MIPOL1: variants seen among roughly 807,000 people sequenced by gnomAD.
MIPOL1 encodes the protein mirror-image polydactyly 1, also known as mirror-image polydactyly gene 1 protein.
In MIPOL1, 57 loss-of-function variants were observed where a neutral mutation model predicts 60.9. The observed-to-expected ratio is 0.94, with a 90% CI of 0.76 to 1.17. MIPOL1 has a LOEUF of 1.17. MIPOL1 is among the 50% of genes most tolerant of loss of function. The pLI, the probability that MIPOL1 is intolerant of heterozygous loss-of-function variation, is 0.00. For missense variants in MIPOL1, 551 were observed against 511.6 expected (o/e 1.08, Z -0.74); for synonymous variants, 179 against 168.8 (o/e 1.06, Z -0.47).
At chr14:37,281,857 C>T (rs1465468134) in intron 6 of MIPOL1, among the ~76,000 whole-genome samples, 3 of 152,122 alleles carry the variant, frequency 2.0e-5, no homozygotes, top group African/African-American at 4.8e-5. Flanking sequence ...TGAAGAATTA[C>T]AGTAGAATTT....
chr14:37,393,102 T>G (rs1013619397), intron 10 of MIPOL1, among the ~76,000 whole-genome samples: 10 of 151,966 alleles, frequency 6.6e-5, no homozygotes, highest in Non-Finnish European at 1.3e-4. Context: ...CAGAGATTAG[T>G]GTGTCCACAA....
chr14:37,350,311 C>T (rs531064165), intron 9 of MIPOL1, among the ~76,000 whole-genome samples: 5 of 152,264 alleles, frequency 3.3e-5, no homozygotes, highest in African/African-American at 9.6e-5. Flanking sequence ...CTCCTGGCCT[C>T]AAGTGGTTCT....
chr14:37,446,935 G>A (rs1007233112), intron 11 of MIPOL1, among the ~76,000 whole-genome samples: 10 of 151,410 alleles, frequency 6.6e-5, no homozygotes, highest in African/African-American at 1.5e-4. Context: ...GGGGTGGGGG[G>A]AGTGGGGAGG....
chr14:37,451,421 G>T (rs1375287669), intron 11 of MIPOL1, among the ~76,000 whole-genome samples: 1 of 152,112 alleles, frequency 6.6e-6, no homozygotes, highest in African/African-American at 2.4e-5. Flanking sequence ...CTAAATGAAA[G>T]TCTCAAATAT....
intron 12 of MIPOL1, among the ~76,000 whole-genome samples, chr14:37,520,377 A>G (rs12147391): frequency 0.031 from 4,692 of 152,318 alleles, 106 homozygotes; most frequent in Non-Finnish European, 0.047. Flanking sequence ...CCTACATTTT[A>G]AAGTTTAGTA....
intron 9 of MIPOL1, among the ~76,000 whole-genome samples, chr14:37,327,106 A>C (rs1363083243): frequency 6.6e-6 from 1 of 152,282 alleles, no homozygotes; most frequent in East Asian, 1.9e-4. Flanking sequence ...AAGTCAGAGA[A>C]GTTTATGCTT....
chr14:37,426,590 T>TATATATATATATATATATATATATAC (rs1220983589), intron 11 of MIPOL1, among the ~76,000 whole-genome samples: 1 of 138,550 alleles, frequency 7.2e-6, no homozygotes, highest in Non-Finnish European at 1.5e-5. Flanking sequence ...TATATATATA[T>TATATATATATATATATATATATATAC]ATATACACAC....
At chr14:37,306,077 A>T (rs78995856) in intron 7 of MIPOL1, among the ~76,000 whole-genome samples, 4,141 of 151,956 alleles carry the variant, frequency 0.027, 207 homozygotes, top group African/African-American at 0.094. Flanking sequence ...CTGATTTTTT[A>T]AAAATGTTTA....
intron 7 of MIPOL1, among the ~76,000 whole-genome samples, chr14:37,290,747 G>A (rs1014280346): frequency 2.0e-5 from 3 of 152,120 alleles, no homozygotes; most frequent in African/African-American, 7.2e-5. Flanking sequence ...GGGTACATTT[G>A]CAGGTTATTA....
At chr14:37,410,522 T>G (rs902250283) in intron 10 of MIPOL1, among the ~76,000 whole-genome samples, 5 of 152,248 alleles carry the variant, frequency 3.3e-5, no homozygotes, top group African/African-American at 1.2e-4. Flanking sequence ...AGCTGTTGTT[T>G]AGACACAGGT....
rs138769261 is a variant in MIPOL1 at position 37,206,980 on chromosome 14, G to C, written c.-199+8876G>C. On this transcript the variant is annotated intron_variant, in intron 1 of 12. Transcript: ENST00000684589. ...TTGCCTTGTCTTGGATGAGACTTAG[G>C]GCTGTGGACTTTTGAGTTAATGCTG... 3.7e-4 allele frequency among the ~76,000 whole-genome samples: 57 copies of C among 152,302 alleles called. No individual in the cohort carries two copies. In the East Asian group the frequency reaches 0.011, roughly 29 times the overall value.
chr14:37,243,572 T>C (rs1485222030), intron 1 of MIPOL1, among the ~76,000 whole-genome samples: 1 of 152,210 alleles, frequency 6.6e-6, no homozygotes, highest in Non-Finnish European at 1.5e-5. Context: ...AAATGATCTC[T>C]AGTTTGATAC....
chr14:37,485,963 A>T (rs1244486298), intron 11 of MIPOL1, among the ~76,000 whole-genome samples: 1 of 152,102 alleles, frequency 6.6e-6, no homozygotes, highest in Non-Finnish European at 1.5e-5. Flanking sequence ...TTATGGTTTT[A>T]GGTCTTATGT....
At chr14:37,488,474 T>G (rs2153603898) in intron 11 of MIPOL1, among the ~76,000 whole-genome samples, 1 of 152,308 alleles carries the variant, frequency 6.6e-6, no homozygotes, top group Middle Eastern at 3.4e-3. Flanking sequence ...TGTGGGTCTC[T>G]AAGAACTTGC....
intron 9 of MIPOL1, among the ~76,000 whole-genome samples, chr14:37,330,954 A>G (rs1332378375): frequency 2.6e-5 from 4 of 151,964 alleles, no homozygotes; most frequent in African/African-American, 9.7e-5. Context: ...TATATTGAAT[A>G]TTTACCTTTT....
At chr14:37,432,668 G>A (rs2094093680) in intron 11 of MIPOL1, among the ~76,000 whole-genome samples, 1 of 150,990 alleles carries the variant, frequency 6.6e-6, no homozygotes, top group African/African-American at 2.4e-5. Context: ...ACATTTGTTT[G>A]GATTTTACCT....
rs746164482 is a variant in MIPOL1, at chr14:37,308,109, G to T, written c.657+20G>T. 4 of 1,604,726 alleles carry T rather than the reference G, an allele frequency of 2.5e-6. No individual in the cohort carries two copies. In the South Asian group the frequency reaches 4.4e-5, roughly 18 times the overall value. ...GACATGGTAAGCCATTCTCTGAGGA[G>T]ATTTCTTGATGTCAGTCTTATATCT... On this transcript the variant is annotated intron_variant, in intron 8 of 12. Coordinates refer to ENST00000684589, the MANE Select transcript of MIPOL1 (RefSeq NM_001388067.1).
intron 11 of MIPOL1, among the ~76,000 whole-genome samples, chr14:37,447,092 AAAT>A (rs2094348980): frequency 6.6e-6 from 1 of 151,872 alleles, no homozygotes; most frequent in Non-Finnish European, 1.5e-5. Context: ...AAATAAAATA[AAAT>A]AATAAAAAAA....
chr14:37,204,405 A>AT (rs575885573), intron 1 of MIPOL1, among the ~76,000 whole-genome samples: 84 of 152,252 alleles, frequency 5.5e-4, no homozygotes, highest in African/African-American at 1.9e-3. Flanking sequence ...CCCCACGCAA[A>AT]TCTCATCTTG....
Sources: gnomAD v4.1 joint callset for allele counts (sites outside exome capture counted in the v4.1 genomes callset) on GRCh38, gnomAD v4.1.1 for gene constraint, MANE v1.5 for transcripts, NCBI Gene and HGNC (gene_info 2026-07-23, HGNC 2026-07-21) for gene names.